LRMDA: variants seen among roughly 807,000 people sequenced by gnomAD.
The protein encoded by LRMDA is leucine-rich melanocyte differentiation-associated protein.
A neutral mutation model predicts 29.8 loss-of-function variants in LRMDA; 18 were observed. That is an observed-to-expected ratio of 0.60 (90% CI 0.42 to 0.90). The LOEUF (loss-of-function observed/expected upper bound fraction) is 0.90, where lower values mean the gene tolerates loss of function less well. LRMDA is among the 40% of genes least tolerant of loss of function. The pLI is 0.00. For synonymous variants in LRMDA, 125 were observed against 109.4 expected (o/e 1.14, Z -0.89); for missense variants, 273 against 273.9 (o/e 1.00, Z 0.02).
rs148347686 is a variant in LRMDA, at chr10:75,466,800, CT to C, written c.131+28307del. 7.9e-3 allele frequency among the ~76,000 whole-genome samples: 1,204 copies of C among 152,218 alleles called. 15 individuals carry two copies. The highest frequency in any genetic ancestry group is 0.028 in the African/African-American group (1,163 of 41,534). On this transcript the variant is annotated intron_variant, in intron 2 of 6. Transcript: ENST00000611255. ...TGAATCTACCCTTTTCATATTTGAC[CT>C]GGATCTCTCCCACCTCTAAACCCTC... is the stretch of plus-strand genomic sequence containing the variant.
At chr10:75,658,890 GGGGCCACTGCCCCT>G (rs1051766207) in intron 2 of LRMDA, among the ~76,000 whole-genome samples, 1 of 152,170 alleles carries the variant, frequency 6.6e-6, no homozygotes, top group African/African-American at 2.4e-5. Flanking sequence ...CCTAAGTGCA[GGGGCCACTGCCCCT>G]GTCCTTCCCA....
chr10:76,112,956 G>A (rs1211134586), intron 5 of LRMDA, among the ~76,000 whole-genome samples: 1 of 152,148 alleles, frequency 6.6e-6, no homozygotes, highest in Non-Finnish European at 1.5e-5. Context: ...AAACTGACAT[G>A]AGAATAAACA....
intron 2 of LRMDA, among the ~76,000 whole-genome samples, chr10:75,971,347 C>T (rs912452845): frequency 3.9e-5 from 6 of 152,100 alleles, no homozygotes; most frequent in East Asian, 3.9e-4. Flanking sequence ...CTTCTCTTAG[C>T]GGAGGTGTTA....
At chr10:75,527,623 G>A (rs1845427427) in intron 2 of LRMDA, among the ~76,000 whole-genome samples, 1 of 149,090 alleles carries the variant, frequency 6.7e-6, no homozygotes, top group Non-Finnish European at 1.5e-5. Context: ...CAAGAATGGA[G>A]GCACCAGTAA....
intron 6 of LRMDA, among the ~76,000 whole-genome samples, chr10:76,388,813 A>G (rs1023763580): frequency 6.6e-6 from 1 of 152,340 alleles, no homozygotes; most frequent in Middle Eastern, 3.4e-3. Context: ...CCTCACTACA[A>G]TTCATGAGGT....
chr10:76,186,758 C>G (rs1204035148), intron 5 of LRMDA, among the ~76,000 whole-genome samples: 1 of 152,104 alleles, frequency 6.6e-6, no homozygotes, highest in Non-Finnish European at 1.5e-5. Context: ...AGACTCAGTC[C>G]CTGCCCTCAT....
chr10:76,166,056 T>C (rs908680988), intron 5 of LRMDA, among the ~76,000 whole-genome samples: 1 of 152,188 alleles, frequency 6.6e-6, no homozygotes, highest in African/African-American at 2.4e-5. Flanking sequence ...TTGTAGCGGT[T>C]AGGCAGGATT....
intron 2 of LRMDA, among the ~76,000 whole-genome samples, chr10:75,590,724 GTCTTTTTTTTTTTTT>G (rs1840712464): frequency 9.8e-6 from 1 of 101,974 alleles, no homozygotes; most frequent in Middle Eastern, 7.1e-3. Flanking sequence ...CAATAAAATA[GTCTTTTTTTTTTTTT>G]TTTTTTTTTT....
intron 2 of LRMDA, among the ~76,000 whole-genome samples, chr10:75,761,561 G>A (rs1229935025): frequency 2.0e-5 from 3 of 152,120 alleles, no homozygotes; most frequent in Non-Finnish European, 4.4e-5. Context: ...ACTGTTTAAT[G>A]GATACAGAGT....
At chr10:76,411,366 T>C (rs566418476) in intron 6 of LRMDA, among the ~76,000 whole-genome samples, 7 of 152,298 alleles carry the variant, frequency 4.6e-5, no homozygotes, top group Admixed American at 3.9e-4. Flanking sequence ...GGATCTCAAC[T>C]TCCACTCTAA....
At chr10:76,264,598 T>C (rs1409063325) in intron 5 of LRMDA, among the ~76,000 whole-genome samples, 1 of 152,060 alleles carries the variant, frequency 6.6e-6, no homozygotes, top group Non-Finnish European at 1.5e-5. Flanking sequence ...CAGATTTTGC[T>C]CTCTTAAATT....
chr10:75,506,522 G>T (rs1287996080), intron 2 of LRMDA, among the ~76,000 whole-genome samples: 2 of 152,118 alleles, frequency 1.3e-5, no homozygotes, highest in African/African-American at 4.8e-5. Flanking sequence ...GTGAGATGTG[G>T]TCCCTGCCCT....
At chr10:75,933,771 T>C (rs1482243974) in intron 2 of LRMDA, among the ~76,000 whole-genome samples, 1 of 152,156 alleles carries the variant, frequency 6.6e-6, no homozygotes, top group Non-Finnish European at 1.5e-5. Context: ...CTTTATATTC[T>C]TGTTGGGGAT....
intron 5 of LRMDA, among the ~76,000 whole-genome samples, chr10:76,075,175 T>A (rs894094545): frequency 6.6e-6 from 1 of 152,222 alleles, no homozygotes; most frequent in Non-Finnish European, 1.5e-5. Flanking sequence ...AACTCATATG[T>A]TGATGCCCTC....
At chr10:75,944,400 A>G (rs962617418) in intron 2 of LRMDA, among the ~76,000 whole-genome samples, 10 of 151,966 alleles carry the variant, frequency 6.6e-5, no homozygotes, top group Non-Finnish European at 1.5e-5. Flanking sequence ...ATTTTGTGCT[A>G]TGGATTTCTG....
rs553284124 is a variant in LRMDA, at chr10:76,280,581, C to T, written c.517-43820C>T. On this transcript the variant is annotated intron_variant, in intron 5 of 6. Transcript: ENST00000611255. ...GTTTGTTTGGGGTATGCTTTGAGCT[C>T]ACTGTGTGACTTTTTTCCTTAATTA... Among the ~76,000 whole-genome samples, 3 of 152,198 alleles carry T rather than the reference C, an allele frequency of 2.0e-5. No homozygotes were observed. The South Asian group carries it at 6.2e-4, about 32-fold the overall frequency.
chr10:76,543,047 G>A (rs1843376441), intron 6 of LRMDA, among the ~76,000 whole-genome samples: 1 of 152,076 alleles, frequency 6.6e-6, no homozygotes, highest in Non-Finnish European at 1.5e-5. Flanking sequence ...GGCTCACAAG[G>A]TGTCTCCATG....
At chr10:75,515,572 G>A (rs748297488) in intron 2 of LRMDA, among the ~76,000 whole-genome samples, 1 of 152,042 alleles carries the variant, frequency 6.6e-6, no homozygotes, top group East Asian at 1.9e-4. Context: ...TAAAGACAGG[G>A]TCTTGCTATG....
intron 5 of LRMDA, among the ~76,000 whole-genome samples, chr10:76,309,654 C>G (rs185573043): frequency 4.5e-4 from 69 of 152,246 alleles, no homozygotes; most frequent in Admixed American, 1.1e-3. Flanking sequence ...CTTATTTTTA[C>G]AGTCCAGCAG....
Sources: gnomAD v4.1 joint callset for allele counts (sites outside exome capture counted in the v4.1 genomes callset) on GRCh38, gnomAD v4.1.1 for gene constraint, MANE v1.5 for transcripts, NCBI Gene and HGNC (gene_info 2026-07-23, HGNC 2026-07-21) for gene names.